Variants in APLP2 observed in about 807,000 individuals in gnomAD.
The protein encoded by APLP2 is CDEI box-binding protein.
Under a neutral mutation model 89.9 loss-of-function variants are expected in APLP2, and 53 were observed. That is an observed-to-expected ratio of 0.59 (90% CI 0.47 to 0.74). The LOEUF is 0.74. Ranked by LOEUF, APLP2 falls within the 30% of genes least tolerant of loss-of-function variation. The pLI is 0.00. For synonymous variants in APLP2, 372 were observed against 348.6 expected (o/e 1.07, Z -0.75); for missense variants, 973 against 975.9 (o/e 1.00, Z 0.04).
chr11:130,095,188 A>G (rs576373822), intron 1 of APLP2, among the ~76,000 whole-genome samples: 157 of 152,294 alleles, frequency 1.0e-3, no homozygotes, highest in African/African-American at 3.5e-3. Context: ...GCCTAACACC[A>G]GTAAGATTCT....
intron 1 of APLP2, among the ~76,000 whole-genome samples, chr11:130,103,551 T>C (rs1332564697): frequency 6.6e-6 from 1 of 152,222 alleles, no homozygotes; most frequent in African/African-American, 2.4e-5. Context: ...AGCGCTGATG[T>C]GTTGACCTTA....
rs764998857 is a variant in APLP2, at chr11:130,141,452, C to G, written c.1924-46C>G. ...AAGGAGGCAGTAAATACCAAACTCC[C>G]CGTTCACCCAGTTGCTTGCTGCCGA... On this transcript the variant is annotated intron_variant, in intron 14 of 16. Coordinates refer to ENST00000338167, the MANE Select transcript of APLP2 (RefSeq NM_001142276.2). The surrounding 1 kb of genome is among the most constrained non-coding windows in gnomAD (Gnocchi z 4.2). 3 of 1,513,990 alleles carry G rather than the reference C, an allele frequency of 2.0e-6. No individual in the cohort carries two copies. In the East Asian group the frequency reaches 6.8e-5, roughly 34 times the overall value. The allele number at this position is 1,513,990 out of a possible 1,614,324, so 93.8% of individuals were successfully genotyped here.
intron 13 of APLP2, among the ~76,000 whole-genome samples, chr11:130,136,441 C>T (rs1399077509): frequency 6.6e-6 from 1 of 152,136 alleles, no homozygotes; most frequent in Non-Finnish European, 1.5e-5. Context: ...GTCGAGTGTC[C>T]CCATGTGGGG....
intron 1 of APLP2, 90 bp downstream of exon 1, chr11:130,070,172 G>C (rs2135254418): frequency 1.1e-6 from 1 of 873,586 alleles, no homozygotes; most frequent in South Asian, 4.4e-5. Flanking sequence ...GCGGCAGGGC[G>C]GGCCGGCGGT....
At chr11:130,075,500 A>C (rs1031719130) in intron 1 of APLP2, among the ~76,000 whole-genome samples, 1 of 152,162 alleles carries the variant, frequency 6.6e-6, no homozygotes, top group African/African-American at 2.4e-5. Context: ...AGTGCTTTTT[A>C]CTTTGCGAAA....
intron 8 of APLP2, 23 bp from the exon 9 acceptor site, chr11:130,127,743 G>T (rs201978720): frequency 6.2e-7 from 1 of 1,609,338 alleles, no homozygotes; most frequent in Admixed American, 1.7e-5. Flanking sequence ...CACTGCTGAC[G>T]GCGTTTTTGA....
At chr11:130,110,684 C>G in intron 3 of APLP2, 23 bp downstream of exon 3, 1 of 1,592,672 alleles carries the variant, frequency 6.3e-7, no homozygotes, top group Non-Finnish European at 8.5e-7. Context: ...GGTTACTTTT[C>G]AGGAAGTGCC....
Position 130,141,191 on chromosome 11 carries a change from C to G in APLP2, c.1924-307C>G. ...AAAGTGCTGGGATTACAGGCGTGAG[C>G]CACCGCGCCTGGTGTAAACGGGGCT... On this transcript the variant is annotated intron_variant, in intron 14 of 16. Coordinates refer to ENST00000338167, the MANE Select transcript of APLP2 (RefSeq NM_001142276.2). This position sits in a 1 kb window ranked among gnomAD's most constrained non-coding sequence, Gnocchi z 4.2. The G allele has an allele frequency of 3.7e-6, 1 of 273,000 alleles. No homozygotes were observed. The highest frequency in any genetic ancestry group is 4.9e-5 in the Admixed American group (1 of 20,236). The allele number at this position is 273,000 out of a possible 1,614,324, so 16.9% of individuals were successfully genotyped here.
At chr11:130,102,807 A>G (rs902810719) in intron 1 of APLP2, among the ~76,000 whole-genome samples, 8 of 152,204 alleles carry the variant, frequency 5.3e-5, no homozygotes, top group African/African-American at 1.9e-4. Context: ...ACCAAGTTGA[A>G]TTTCTGTCCT....
rs564053004 is a variant in APLP2 at position 130,070,012 on chromosome 11, C to T, written c.35C>T (p.Thr12Met). 1.0e-4 allele frequency: 158 copies of T among 1,507,892 alleles called. 1 individual carries two copies. In the East Asian group the frequency reaches 4.2e-3, roughly 40 times the overall value. The allele number at this position is 1,507,892 out of a possible 1,614,324, so 93.4% of individuals were successfully genotyped here. ...AATGTAAAAA[T>M]GRLLLLLLVG... ...ACCGGGACCGCGGCCGCCGCAGCCA[C>T]GGGCAGGCTCCTGCTTCTGCTGCTG... The change falls in exon 1 of 17, where the codon ACG (threonine) becomes ATG (methionine). Residue 12 changes from threonine (T) to methionine (M), a missense_variant. Physicochemically the swap from Thr to Met is moderately conservative, Grantham distance 81. Coordinates refer to ENST00000338167, the MANE Select transcript of APLP2 (RefSeq NM_001142276.2).
intron 1 of APLP2, among the ~76,000 whole-genome samples, chr11:130,071,289 G>A (rs901596423): frequency 6.6e-6 from 1 of 152,174 alleles, no homozygotes; most frequent in African/African-American, 2.4e-5. Context: ...CTAATAAAAA[G>A]CCTCTCTGAT....
At chr11:130,071,920 A>G (rs990386022) in intron 1 of APLP2, among the ~76,000 whole-genome samples, 1 of 152,210 alleles carries the variant, frequency 6.6e-6, no homozygotes, top group Non-Finnish European at 1.5e-5. Context: ...GATTTTGTTT[A>G]TTTGCTGTCA....
chr11:130,143,317 C>T (rs747004578), intron 16 of APLP2, 30 bp from the exon 17 acceptor site: 1 of 1,602,108 alleles, frequency 6.2e-7, no homozygotes, highest in South Asian at 1.1e-5. Flanking sequence ...TCCCAGACAC[C>T]ACAATGACCC....
chr11:130,081,195 T>A (rs542534432), intron 1 of APLP2, among the ~76,000 whole-genome samples: 2 of 152,284 alleles, frequency 1.3e-5, no homozygotes, highest in South Asian at 4.1e-4. Flanking sequence ...TCCAGGTCAT[T>A]ACATATTTTG....
chr11:130,082,826 A>G, intron 1 of APLP2: 1 of 158,808 alleles, frequency 6.3e-6, no homozygotes, highest in Non-Finnish European at 1.4e-5. Context: ...AGAGGGGGGA[A>G]GCTTTTCATA....
chr11:130,109,738 T>C, intron 2 of APLP2, 136 bp downstream of exon 2: 2 of 925,414 alleles, frequency 2.2e-6, no homozygotes, highest in African/African-American at 3.5e-5. Context: ...CCAAGCCTTT[T>C]GTTTCTAAAT....
chr11:130,140,466 A>T lies in APLP2; in HGVS notation c.1906A>T (p.Lys636Ter), dbSNP rs748294411. 1 of 1,610,930 alleles carries T rather than the reference A, an allele frequency of 6.2e-7. No homozygotes were observed. Among genetic ancestry groups the T allele is most frequent in the Non-Finnish European group, 8.5e-7 (1 of 1,178,728 alleles). The change falls in exon 14 of 17, where the codon AAA becomes TAA. Residue 636 changes from lysine to a stop codon, truncating the protein, a stop_gained. Transcript: ENST00000338167. LOFTEE classifies it high-confidence loss of function. ...AEEKVINSKN[K>*]VDENMVIDET... is the part of the protein sequence containing the mutation. ...AGAGAAAGTGATTAACAGTAAGAAT[A>T]AAGTGGATGAAAACATGGTGAGCCT...
intron 14 of APLP2, chr11:130,140,861 A>AT (rs1952277604): frequency 6.4e-6 from 1 of 155,372 alleles, no homozygotes; most frequent in Admixed American, 6.4e-5. Flanking sequence ...ATTTTCTGTC[A>AT]TTTATAGTTC....
At chr11:130,104,112 T>C in intron 1 of APLP2, among the ~76,000 whole-genome samples, 1 of 152,042 alleles carries the variant, frequency 6.6e-6, no homozygotes, top group East Asian at 1.9e-4. Flanking sequence ...TTTCCTTACC[T>C]TTATCTTTGG....
Sources: gnomAD v4.1 joint callset for allele counts (sites outside exome capture counted in the v4.1 genomes callset) on GRCh38, gnomAD v4.1.1 for gene constraint, Gnocchi (gnomAD v3.1) non-coding constraint, MANE v1.5 for transcripts, NCBI Gene and HGNC (gene_info 2026-07-23, HGNC 2026-07-21) for gene names.